The following UBE4A variants were observed in gnomAD, a reference collection of about 807,000 sequenced individuals.
The protein encoded by UBE4A is ubiquitination factor E4A.
A neutral mutation model predicts 117.9 loss-of-function variants in UBE4A; 48 were observed. The ratio of observed to expected loss-of-function variants is 0.41; its 90% confidence interval spans 0.32 to 0.52. The LOEUF is 0.52. Ranked by LOEUF, UBE4A falls within the 20% of genes least tolerant of loss-of-function variation. The pLI is 0.33. For missense variants in UBE4A, 1,067 were observed against 1,296.3 expected, an observed-to-expected ratio of 0.82 and a Z score of 2.72; for synonymous variants, 407 against 450.0, an observed-to-expected ratio of 0.90 and a Z score of 1.21.
rs148757598 is a variant in UBE4A at position 118,373,258 on chromosome 11, C to G, written c.894C>G (p.Leu298=). ...TGTATGCATATCTGGATATTCTTCT[C>G]TATTTCACTAGGCAAAAAGATATGG... The part of the protein sequence containing the change: ...ILLYAYLDIL[L]YFTRQKDMAK... Residue 298 remains leucine, a synonymous_variant, in exon 7 of 20, where the codon CTC becomes CTG. Coordinates refer to ENST00000252108, the MANE Select transcript of UBE4A (RefSeq NM_001204077.2). The G allele has an allele frequency of 1.2e-6, 2 of 1,612,884 alleles. No individual in the cohort carries two copies. The highest frequency in any genetic ancestry group is 1.3e-5 in the African/African-American group (1 of 74,990).
At chr11:118,394,772 C>CAAA (rs201405273) in intron 19 of UBE4A, among the ~76,000 whole-genome samples, 7 of 105,584 alleles carry the variant, frequency 6.6e-5, no homozygotes, top group East Asian at 2.3e-4. Context: ...AGACTCGTCT[C>CAAA]AAAAAAAAAA....
chr11:118,364,837 A>T (rs948337520), intron 1 of UBE4A, among the ~76,000 whole-genome samples: 3 of 150,338 alleles, frequency 2.0e-5, no homozygotes, highest in Non-Finnish European at 4.5e-5. Context: ...AGCTATCCAC[A>T]AATCAAGCCA....
chr11:118,383,500 C>T (rs782238078), intron 13 of UBE4A, among the ~76,000 whole-genome samples: 4 of 145,564 alleles, frequency 2.7e-5, no homozygotes, highest in Admixed American at 7.3e-5. Flanking sequence ...GGCAGAGGCA[C>T]GAGAATTGCT....
chr11:118,375,723 A>ACTT (rs1460434471), intron 9 of UBE4A, among the ~76,000 whole-genome samples: 15 of 152,222 alleles, frequency 9.9e-5, no homozygotes, highest in African/African-American at 3.4e-4. Flanking sequence ...TAAATGTTGT[A>ACTT]CTTTAGTGAG....
At chr11:118,377,248 C>T in intron 10 of UBE4A, among the ~76,000 whole-genome samples, 1 of 152,166 alleles carries the variant, frequency 6.6e-6, no homozygotes, top group Non-Finnish European at 1.5e-5. Context: ...GCTCTTGTCA[C>T]CTTGGCTGGA....
At position 118,379,499 on chromosome 11, in the gene UBE4A, C is replaced by T; in HGVS notation, c.1625C>T (p.Ala542Val). Residue 542 changes from alanine to valine, a missense_variant, in exon 11 of 20, where the codon GCC (alanine) becomes GTC (valine). By Grantham distance (64) the Ala-to-Val change is moderately conservative. Transcript: ENST00000252108. ...CAAAATCTGCATCGGCTGCAGGTTG[C>T]CTGGCGGGATGCTCAGCAAAGTTCT... ...INQNLHRLQV[A>V]WRDAQQSSSP... The T allele has an allele frequency of 6.2e-7, 1 of 1,614,160 alleles. No homozygotes were observed. Among genetic ancestry groups the T allele is most frequent in the Non-Finnish European group, 8.5e-7 (1 of 1,179,996 alleles).
intron 4 of UBE4A, among the ~76,000 whole-genome samples, chr11:118,370,171 C>A (rs1188348864): frequency 6.6e-6 from 1 of 152,110 alleles, no homozygotes; most frequent in African/African-American, 2.4e-5. Flanking sequence ...GAATAATCAG[C>A]CTCTGAATCT....
intron 9 of UBE4A, among the ~76,000 whole-genome samples, chr11:118,375,549 C>T (rs1373229108): frequency 4.0e-5 from 6 of 151,476 alleles, no homozygotes; most frequent in Admixed American, 6.6e-5. Context: ...TTAATAGAGA[C>T]GGAGTTTCAC....
rs1555127285 is a variant in UBE4A, at chr11:118,386,578, T to C, written c.2553T>C (p.Asn851=). 2.8e-5 allele frequency: 45 copies of C among 1,590,234 alleles called. No homozygotes were observed. The highest frequency in any genetic ancestry group is 3.8e-5 in the Non-Finnish European group (45 of 1,171,802). Residue 851 remains asparagine, a synonymous_variant, in exon 16 of 20, where the codon AAT becomes AAC. Coordinates refer to ENST00000252108, the MANE Select transcript of UBE4A (RefSeq NM_001204077.2). ...CACGTTTCCATAACATCATGTCCAA[T>C]GAAACAATCGGTACCCTTGCCTTTC... is the stretch of plus-strand genomic sequence containing the variant. The part of the protein sequence containing the change: ...QLARFHNIMS[N]ETIGTLAFLT...
At chr11:118,369,796 T>C (rs963117498) in intron 4 of UBE4A, among the ~76,000 whole-genome samples, 5 of 152,118 alleles carry the variant, frequency 3.3e-5, no homozygotes, top group African/African-American at 1.2e-4. Flanking sequence ...AAATGCCTTC[T>C]TAATTACAAA....
chr11:118,375,270 G>GTGTGTGTA (rs1555125204), intron 9 of UBE4A, 41 bp downstream of exon 9: 6 of 1,503,514 alleles, frequency 4.0e-6, no homozygotes, highest in African/African-American at 1.4e-5. Flanking sequence ...GTGTGTGTGT[G>GTGTGTGTA]TGTGTAACGT....
intron 1 of UBE4A, 113 bp from the exon 2 acceptor site, chr11:118,364,927 C>T (rs1194852266): frequency 4.5e-6 from 5 of 1,099,072 alleles, no homozygotes; most frequent in East Asian, 2.9e-5. Context: ...AATCTTAACC[C>T]AAAGTATTTT....
At position 118,398,062 on chromosome 11, in the gene UBE4A, TATC is replaced by T. The variant is rs1461476771; in HGVS notation, c.*1626_*1628del. On this transcript the variant is annotated 3_prime_UTR_variant, in exon 20 of 20. Transcript: ENST00000252108. The stretch of plus-strand genomic sequence containing the variant: ...TCTAAAATTAGCTTCATTCAATATT[TATC>T]ATCCTCCTTTCCCTCTCTGAGAATG... The T allele has an allele frequency of 6.6e-6, 1 of 152,644 alleles. No individual in the cohort carries two copies. Among genetic ancestry groups the T allele is most frequent in the Non-Finnish European group, 1.5e-5 (1 of 68,034 alleles). 9.5% of individuals were successfully genotyped at this position (152,644 alleles called of 1,614,324 possible).
At chr11:118,367,836 C>T (rs1948576942) in intron 2 of UBE4A, among the ~76,000 whole-genome samples, 1 of 152,100 alleles carries the variant, frequency 6.6e-6, no homozygotes. Flanking sequence ...CTCTTTGATC[C>T]AGCAGTTCTG....
In UBE4A at chr11:118,379,429, T is replaced by C. The variant is rs1357352258; in HGVS notation, c.1572-17T>C. On this transcript the variant is annotated splice_polypyrimidine_tract_variant and intron_variant, in intron 10 of 19. Transcript: ENST00000252108. The stretch of plus-strand genomic sequence containing the variant: ...CTGTTTTCCCTGACCCAGTCTCTTC[T>C]GCTTTCTTGGGGGCAGGTTGCATGA... 1 of 1,607,838 alleles carries C rather than the reference T, an allele frequency of 6.2e-7. No individual in the cohort carries two copies. The highest frequency in any genetic ancestry group is 8.5e-7 in the Non-Finnish European group (1 of 1,175,820).
intron 18 of UBE4A, among the ~76,000 whole-genome samples, chr11:118,392,249 G>A (rs1000756679): frequency 7.9e-5 from 12 of 152,094 alleles, no homozygotes; most frequent in Non-Finnish European, 1.8e-4. Flanking sequence ...GGATCCCTGA[G>A]GAACTCAAGT....
At chr11:118,375,368 CTTTT>C in intron 9 of UBE4A, 139 bp downstream of exon 9, 1 of 902,320 alleles carries the variant, frequency 1.1e-6, no homozygotes, top group Non-Finnish European at 1.6e-6. Flanking sequence ...ATTTTTTTTT[CTTTT>C]TTTTTGAGAT....
rs1203712055 is a variant in UBE4A, at chr11:118,397,670, T to C, written c.*1230T>C. ...TAGGGACATTCCCCTATGGATTATC[T>C]TTATATCACTGTCTTTCTAAGCCCA... On this transcript the variant is annotated 3_prime_UTR_variant, in exon 20 of 20. Transcript: ENST00000252108. 6.6e-6 allele frequency: 1 copy of C among 152,236 alleles called. No homozygotes were observed. Among genetic ancestry groups the C allele is most frequent in the Non-Finnish European group, 1.5e-5 (1 of 68,030 alleles). 9.4% of individuals were successfully genotyped at this position (152,236 alleles called of 1,614,324 possible). A position where few individuals can be genotyped will look rare whatever the true frequency, so the allele number is the denominator to read the frequency against.
intron 13 of UBE4A, among the ~76,000 whole-genome samples, chr11:118,384,416 A>G (rs1345220386): frequency 2.6e-5 from 4 of 152,194 alleles, no homozygotes; most frequent in Admixed American, 6.5e-5. Flanking sequence ...TTGCAGAGTA[A>G]GGTATCCTTT....
Sources: gnomAD v4.1 joint callset for allele counts (sites outside exome capture counted in the v4.1 genomes callset) on GRCh38, gnomAD v4.1.1 for gene constraint, MANE v1.5 for transcripts, NCBI Gene and HGNC (gene_info 2026-07-23, HGNC 2026-07-21) for gene names.